Variants in FIP1L1 observed in about 807,000 individuals in gnomAD.
FIP1L1 encodes pre-mRNA 3'-end-processing factor FIP1.
A neutral mutation model predicts 84.6 loss-of-function variants in FIP1L1; 21 were observed. The observed-to-expected ratio is 0.25, with a 90% CI of 0.18 to 0.36. FIP1L1 has a LOEUF of 0.36. FIP1L1 is among the 10% of genes least tolerant of loss of function. The pLI, the probability that FIP1L1 is intolerant of heterozygous loss-of-function variation, is 1.00. For synonymous variants in FIP1L1, 263 were observed against 242.3 expected (o/e 1.09, Z -0.80); for missense variants, 526 against 751.1 (o/e 0.70, Z 3.50).
chr4:53,377,686 C>A lies in FIP1L1; in HGVS notation c.-153C>A, dbSNP rs1035114359. ...GCGCTGGAGGCTTCATCTTTGCCGC[C>A]GCTGCCGTCGCCTTCCTGGGATTGG... On this transcript the variant is annotated 5_prime_UTR_variant, in exon 1 of 18. Coordinates refer to ENST00000337488, the MANE Select transcript of FIP1L1 (RefSeq NM_030917.4). 3 of 651,740 alleles carry A rather than the reference C, an allele frequency of 4.6e-6. No individual in the cohort carries two copies. Among genetic ancestry groups the A allele is most frequent in the African/African-American group, 3.8e-5 (2 of 53,268 alleles). 40.4% of individuals were successfully genotyped at this position (651,740 alleles called of 1,614,324 possible).
At chr4:53,440,510 T>C (rs527769636) in intron 13 of FIP1L1, 2 of 936,880 alleles carry the variant, frequency 2.1e-6, no homozygotes, top group South Asian at 1.6e-5. Flanking sequence ...AAGTTTGTTT[T>C]GGTGATGGCA....
At chr4:53,417,204 C>A (rs188815959) in intron 11 of FIP1L1, among the ~76,000 whole-genome samples, 1 of 152,284 alleles carries the variant, frequency 6.6e-6, no homozygotes, top group Admixed American at 6.5e-5. Context: ...TGTATAGCAA[C>A]TCCATCTATA....
chr4:53,453,025 A>G lies in FIP1L1; in HGVS notation c.1391A>G (p.Glu464Gly), dbSNP rs761114625. The G allele has an allele frequency of 1.2e-6, 2 of 1,613,338 alleles. No individual in the cohort carries two copies. Among genetic ancestry groups the G allele is most frequent in the African/African-American group, 2.7e-5 (2 of 74,908 alleles). The stretch of plus-strand genomic sequence containing the variant: ...AGAAGAGAGAAAGACCGAGATAGAG[A>G]GAGAGACAGAGACAGAGAGCGAGAC... ...YARREKDRDR[E>G]RDRDRERDRD... The change falls in exon 16 of 18, where the codon GAG (glutamate) becomes GGG (glycine). Residue 464 changes from glutamate (E) to glycine (G), a missense_variant. Glu to Gly is a moderately conservative substitution (Grantham distance 98). Around this residue, in one of 6 missense-constraint regions of FIP1L1, gnomAD observed 83 missense variants for 93.8 expected, o/e 0.88. Transcript: ENST00000337488.
At position 53,425,845 on chromosome 4, in the gene FIP1L1, T is replaced by A. The variant is rs374531802; in HGVS notation, c.924-27T>A. The A allele has an allele frequency of 2.6e-6, 4 of 1,528,072 alleles. No individual in the cohort carries two copies. In the South Asian group the frequency reaches 4.7e-5, roughly 18 times the overall value. 94.7% of individuals were successfully genotyped at this position (1,528,072 alleles called of 1,614,324 possible). On this transcript the variant is annotated intron_variant, in intron 11 of 17. Transcript: ENST00000337488. ...TTTTAAGCATCTAATTAGGTGAAAC[T>A]GAATTGATTCAATTTTTATGTTACA...
intron 13 of FIP1L1, among the ~76,000 whole-genome samples, chr4:53,438,106 T>A (rs1411984898): frequency 8.5e-5 from 13 of 152,196 alleles, no homozygotes; most frequent in Non-Finnish European, 1.9e-4. Flanking sequence ...TGGCTGGCAC[T>A]AGAAATCTAC....
chr4:53,413,206 TC>T (rs1180285976), intron 10 of FIP1L1, among the ~76,000 whole-genome samples: 1 of 152,016 alleles, frequency 6.6e-6, no homozygotes, highest in Non-Finnish European at 1.5e-5. Flanking sequence ...ACCAGGATGT[TC>T]CAGGCTTATC....
Position 53,379,122 on chromosome 4 carries a change from G to C in FIP1L1, c.130+5G>C, listed in dbSNP as rs1204029515. ...GTGATTTGGCAAAGGACCTAGGTTAGTGCTTGTGATGATCACTTCAGATTT... is the reference window on the plus strand; with the variant it reads ...GTGATTTGGCAAAGGACCTAGGTTACTGCTTGTGATGATCACTTCAGATTT... On this transcript the variant is annotated splice_donor_5th_base_variant and intron_variant, in intron 2 of 17. Transcript: ENST00000337488. 6.2e-7 allele frequency: 1 copy of C among 1,614,064 alleles called. No homozygotes were observed. Among genetic ancestry groups the C allele is most frequent in the Admixed American group, 1.7e-5 (1 of 60,020 alleles).
chr4:53,434,423 T>A (rs1768139303), intron 13 of FIP1L1, among the ~76,000 whole-genome samples: 1 of 152,082 alleles, frequency 6.6e-6, no homozygotes, highest in Non-Finnish European at 1.5e-5. Context: ...CCCTGGAAAC[T>A]ACACTGTAAG....
chr4:53,402,459 T>C (rs973763526), intron 10 of FIP1L1, among the ~76,000 whole-genome samples: 2 of 152,188 alleles, frequency 1.3e-5, no homozygotes, highest in African/African-American at 4.8e-5. Flanking sequence ...CTGAGCACTT[T>C]GGGAGGCTGA....
At chr4:53,391,914 C>T (rs996821450) in intron 9 of FIP1L1, among the ~76,000 whole-genome samples, 9 of 152,206 alleles carry the variant, frequency 5.9e-5, no homozygotes, top group Admixed American at 5.9e-4. Context: ...ACTTATAACA[C>T]TGATATCATT....
intron 10 of FIP1L1, among the ~76,000 whole-genome samples, chr4:53,409,772 G>A (rs537405328): frequency 6.6e-6 from 1 of 152,214 alleles, no homozygotes; most frequent in Admixed American, 6.5e-5. Context: ...GCGAGACTCC[G>A]TGGGCGTAGG....
rs558195063 is a variant in FIP1L1 at position 53,404,489 on chromosome 4, T to C, written c.815+4650T>C. Among the ~76,000 whole-genome samples the C allele has an allele frequency of 3.7e-4, 56 of 152,294 alleles. No individual in the cohort carries two copies. In the South Asian group the frequency reaches 8.1e-3, roughly 22 times the overall value. On this transcript the variant is annotated intron_variant, in intron 10 of 17. Coordinates refer to ENST00000337488, the MANE Select transcript of FIP1L1 (RefSeq NM_030917.4). ...ATAGACATACGTGTGCATGTGTCTT[T>C]ATAGCAGCATGATTTAGAGTCCTTT...
At chr4:53,402,145 G>A (rs1000232419) in intron 10 of FIP1L1, among the ~76,000 whole-genome samples, 1 of 152,136 alleles carries the variant, frequency 6.6e-6, no homozygotes, top group African/African-American at 2.4e-5. Flanking sequence ...CAATTGATTG[G>A]TCAAGAAAAT....
chr4:53,433,209 G>A (rs1767525529), intron 13 of FIP1L1, among the ~76,000 whole-genome samples: 1 of 152,174 alleles, frequency 6.6e-6, no homozygotes, highest in Non-Finnish European at 1.5e-5. Flanking sequence ...CATTCACAAT[G>A]TTATGTAACC....
chr4:53,406,904 T>C (rs1365530232), intron 10 of FIP1L1, among the ~76,000 whole-genome samples: 1 of 152,210 alleles, frequency 6.6e-6, no homozygotes, highest in Non-Finnish European at 1.5e-5. Context: ...TTCTCTTTTC[T>C]TCTTTATTAG....
intron 13 of FIP1L1, among the ~76,000 whole-genome samples, chr4:53,433,707 A>G (rs900347504): frequency 6.6e-6 from 1 of 152,192 alleles, no homozygotes; most frequent in African/African-American, 2.4e-5. Flanking sequence ...ATATAGCCCA[A>G]CTACTGTGGA....
chr4:53,410,987 A>G (rs907301051), intron 10 of FIP1L1, among the ~76,000 whole-genome samples: 3 of 152,062 alleles, frequency 2.0e-5, no homozygotes, highest in Non-Finnish European at 1.5e-5. Flanking sequence ...GGGCTGCTGT[A>G]TATTTTCAAC....
chr4:53,408,352 G>A (rs1481084158), intron 10 of FIP1L1, among the ~76,000 whole-genome samples: 1 of 152,172 alleles, frequency 6.6e-6, no homozygotes, highest in East Asian at 1.9e-4. Flanking sequence ...TAGAGTTTCT[G>A]CGGAGAGATC....
At chr4:53,458,830 G>C (rs1372583886) in intron 17 of FIP1L1, 40 bp downstream of exon 17, 6 of 1,589,716 alleles carry the variant, frequency 3.8e-6, no homozygotes. Flanking sequence ...TAGTATGTGA[G>C]AGATTTTGAC....
Sources: allele counts gnomAD v4.1 joint callset (sites outside exome capture counted in the v4.1 genomes callset), GRCh38; gene constraint gnomAD v4.1.1; regional missense constraint gnomAD v4.1.1; transcripts MANE v1.5; gene names NCBI Gene and HGNC (gene_info 2026-07-23, HGNC 2026-07-21).